OCA2: variants seen among roughly 807,000 people sequenced by gnomAD.
The protein encoded by OCA2 is P protein.
OCA2 carries 77 observed loss-of-function variants against 100.2 expected under a neutral mutation model. The ratio of observed to expected loss-of-function variants is 0.77; its 90% CI spans 0.64 to 0.93. The LOEUF (loss-of-function observed/expected upper bound fraction) is 0.93. OCA2 is among the 40% of genes least tolerant of loss of function. The pLI, the probability that OCA2 is intolerant of heterozygous loss-of-function variation, is 0.00. For synonymous variants in OCA2, 432 were observed against 439.2 expected (o/e 0.98, Z 0.21); for missense variants, 1,062 against 1,089.1 (o/e 0.98, Z 0.35).
At chr15:28,055,609 G>A (rs948560845) in intron 2 of OCA2, among the ~76,000 whole-genome samples, 1 of 152,234 alleles carries the variant, frequency 6.6e-6, no homozygotes, top group Non-Finnish European at 1.5e-5. Context: ...TGTGTGGAAT[G>A]CTGTGGGGCC....
At chr15:27,899,787 G>A (rs1204054715) in intron 19 of OCA2, among the ~76,000 whole-genome samples, 1 of 152,190 alleles carries the variant, frequency 6.6e-6, no homozygotes, top group African/African-American at 2.4e-5. Context: ...CCTACAGCAT[G>A]CAGTATGTGC....
intron 13 of OCA2, among the ~76,000 whole-genome samples, chr15:27,984,370 A>C (rs529880150): frequency 1.3e-5 from 2 of 152,090 alleles, no homozygotes; most frequent in African/African-American, 4.8e-5. Flanking sequence ...TGCTCTAAAG[A>C]AAGTGTAGAA....
chr15:27,723,134 C>T, the OCA2 span, among the ~76,000 whole-genome samples: 4 of 152,040 alleles, frequency 2.6e-5, no homozygotes, highest in Non-Finnish European at 4.4e-5. Context: ...TAAGCCACCG[C>T]GCCTGGCCCC....
At chr15:28,069,028 G>A (rs1407964794) in intron 2 of OCA2, among the ~76,000 whole-genome samples, 1 of 152,090 alleles carries the variant, frequency 6.6e-6, no homozygotes, top group Non-Finnish European at 1.5e-5. Flanking sequence ...TTGAGAGCTG[G>A]AACAAGACAA....
At chr15:27,890,676 G>A (rs762469239) in intron 19 of OCA2, among the ~76,000 whole-genome samples, 54 of 152,252 alleles carry the variant, frequency 3.5e-4, no homozygotes, top group Admixed American at 1.5e-3. Context: ...TTTTTTACTA[G>A]CAGACCTACC....
chr15:27,733,165 C>G, the OCA2 span, among the ~76,000 whole-genome samples: 22 of 152,164 alleles, frequency 1.4e-4, no homozygotes, highest in East Asian at 5.8e-4. Context: ...TTTGGTTCAT[C>G]TAGACTTTCA....
intron 14 of OCA2, 69 bp from the exon 15 acceptor site, chr15:27,966,891 T>C: frequency 6.6e-7 from 1 of 1,523,668 alleles, no homozygotes; most frequent in Non-Finnish European, 8.9e-7. Context: ...ATCCCAGCAC[T>C]TTCCGAGGTG....
chr15:28,051,996 T>G (rs1315276209), intron 2 of OCA2, among the ~76,000 whole-genome samples: 5 of 152,160 alleles, frequency 3.3e-5, no homozygotes, highest in Admixed American at 3.3e-4. Flanking sequence ...CTGGAGAGGA[T>G]CCTCCTATCA....
chr15:27,761,167 T>TA (rs1225789852), intron 23 of OCA2, among the ~76,000 whole-genome samples: 3 of 151,424 alleles, frequency 2.0e-5, no homozygotes, highest in African/African-American at 7.3e-5. Context: ...TAGCTTACAT[T>TA]AAAAAATCCT....
At chr15:27,764,996 G>A (rs1173850925) in intron 23 of OCA2, among the ~76,000 whole-genome samples, 2 of 152,290 alleles carry the variant, frequency 1.3e-5, no homozygotes, top group Admixed American at 6.5e-5. Flanking sequence ...TTATTCATGC[G>A]TTTTCCAGGA....
intron 9 of OCA2, among the ~76,000 whole-genome samples, chr15:28,009,126 C>G (rs2042166808): frequency 1.3e-5 from 2 of 152,206 alleles, no homozygotes; most frequent in Non-Finnish European, 2.9e-5. Flanking sequence ...GGACCTTCCC[C>G]TAGGGAGTTA....
chr15:27,908,015 CAAGT>C (rs2038242896), intron 19 of OCA2, among the ~76,000 whole-genome samples: 1 of 151,420 alleles, frequency 6.6e-6, no homozygotes, highest in African/African-American at 2.4e-5. Context: ...CTTTATGAAG[CAAGT>C]GTGACAATGA....
At chr15:27,906,648 G>A (rs969272922) in intron 19 of OCA2, among the ~76,000 whole-genome samples, 6 of 151,710 alleles carry the variant, frequency 4.0e-5, no homozygotes, top group East Asian at 1.9e-4. Flanking sequence ...CATCAAGGCC[G>A]CACGCAAAAC....
rs1312967591 is a variant in OCA2 at position 28,024,851 on chromosome 15, CAG to C, written c.565_566del (p.Leu189ValfsTer31). The C allele has an allele frequency of 2.5e-6, 4 of 1,614,098 alleles. No individual in the cohort carries two copies. In the African/African-American group the frequency reaches 5.3e-5, roughly 22 times the overall value. The stretch of plus-strand genomic sequence containing the variant: ...GGGCAGCTAAGGTACTCACAGAACA[CAG>C]CACCACAAAGGCAAACAGGCCCATG... ...KVMGLFAFVV[L>X]CSILFSLYPD... On this transcript the variant is annotated frameshift_variant, in exon 5 of 24. Coordinates refer to ENST00000354638, the MANE Select transcript of OCA2 (RefSeq NM_000275.3). LOFTEE classifies it high-confidence loss of function.
intron 2 of OCA2, among the ~76,000 whole-genome samples, chr15:28,038,192 C>T (rs992323607): frequency 6.6e-6 from 1 of 152,180 alleles, no homozygotes; most frequent in Non-Finnish European, 1.5e-5. Flanking sequence ...AGCAAACTAG[C>T]AGGCAGTGGT....
chr15:27,981,185 G>C (rs1349602408), intron 14 of OCA2, among the ~76,000 whole-genome samples: 1 of 152,170 alleles, frequency 6.6e-6, no homozygotes, highest in Non-Finnish European at 1.5e-5. Flanking sequence ...CTAGATGTTT[G>C]ATGTGGGGCT....
At chr15:28,050,629 G>C (rs1441368375) in intron 2 of OCA2, among the ~76,000 whole-genome samples, 2 of 151,236 alleles carry the variant, frequency 1.3e-5, no homozygotes, top group Non-Finnish European at 2.9e-5. Flanking sequence ...ATGAGCATAC[G>C]CACGCATCCT....
chr15:27,981,434 C>T (rs2041157470), intron 14 of OCA2, among the ~76,000 whole-genome samples: 1 of 152,294 alleles, frequency 6.6e-6, no homozygotes, highest in East Asian at 1.9e-4. Context: ...TTTTGTATCA[C>T]TCTAAATATT....
At chr15:28,048,349 T>A (rs1230793897) in intron 2 of OCA2, among the ~76,000 whole-genome samples, 1 of 152,162 alleles carries the variant, frequency 6.6e-6, no homozygotes, top group East Asian at 1.9e-4. Flanking sequence ...CAAAACTTAC[T>A]ACAATGGAAT....
Sources: gnomAD v4.1 joint callset for allele counts (sites outside exome capture counted in the v4.1 genomes callset) on GRCh38, gnomAD v4.1.1 for gene constraint, MANE v1.5 for transcripts, NCBI Gene and HGNC (gene_info 2026-07-23, HGNC 2026-07-21) for gene names.